The following ZFP14 variants were observed in gnomAD, a reference collection of about 807,000 sequenced individuals.
ZFP14 encodes ZFP14 zinc finger protein.
A neutral mutation model predicts 54.5 loss-of-function variants in ZFP14; 22 were observed. The ratio of observed to expected loss-of-function variants is 0.40; its 90% confidence interval spans 0.29 to 0.58. The LOEUF is 0.58. Among genes scored for constraint, ZFP14 ranks in the 20% least tolerant of loss-of-function variants. ZFP14 has a pLI of 0.39. For synonymous variants in ZFP14, 159 were observed against 204.0 expected (o/e 0.78, Z 1.88); for missense variants, 470 against 637.8 (o/e 0.74, Z 2.83).
chr19:36,342,981 C>T (rs1366531268), intron 4 of ZFP14, among the ~76,000 whole-genome samples: 1 of 152,190 alleles, frequency 6.6e-6, no homozygotes, highest in African/African-American at 2.4e-5. Context: ...ACAGATTGCA[C>T]TCTCATCATT....
chr19:36,341,155 C>T lies in ZFP14; in HGVS notation c.671G>A (p.Gly224Asp). 1 of 1,614,166 alleles carries T rather than the reference C, an allele frequency of 6.2e-7. No individual in the cohort carries two copies. The highest frequency in any genetic ancestry group is 8.5e-7 in the Non-Finnish European group (1 of 1,180,024). ...CTCCTTACATTCATAGGGTTTCTCA[C>T]CGGTGTGAAGTTTGTGATGTCGAAT... ...HLIRHHKLHT[G>D]EKPYECKECG... is the part of the protein sequence containing the mutation. Residue 224 changes from glycine to aspartate, a missense_variant, in exon 5 of 5, where the codon GGT (glycine) becomes GAT (aspartate). Transcript: ENST00000270001. This position sits in a 1 kb window ranked among gnomAD's most constrained non-coding sequence, Gnocchi z 4.2.
chr19:36,341,179 A>C lies in ZFP14; in HGVS notation c.647T>G (p.Ile216Ser). The C allele has an allele frequency of 1.2e-6, 2 of 1,614,060 alleles. No homozygotes were observed. The highest frequency in any genetic ancestry group is 1.7e-6 in the Non-Finnish European group (2 of 1,180,004). ...ACCGGTGTGAAGTTTGTGATGTCGA[A>C]TAAGATGTGCACGCTGTCTAAAGGC... ...GQAFRQRAHL[I>S]RHHKLHTGEK... The change falls in exon 5 of 5, where the codon ATT (isoleucine) becomes AGT (serine). Residue 216 changes from isoleucine (I) to serine (S), a missense_variant. Coordinates refer to ENST00000270001, the MANE Select transcript of ZFP14 (RefSeq NM_020917.3). The surrounding 1 kb of genome is among the most constrained non-coding windows in gnomAD (Gnocchi z 4.2).
In ZFP14 at chr19:36,379,164, T is replaced by C. The variant is rs1228679114; in HGVS notation, c.-81A>G. 3.9e-5 allele frequency: 6 copies of C among 152,322 alleles called. No homozygotes were observed. The highest frequency in any genetic ancestry group is 8.8e-5 in the Non-Finnish European group (6 of 68,418). The allele number at this position is 152,322 out of a possible 1,614,324, so 9.4% of individuals were successfully genotyped here. A position where few individuals can be genotyped will look rare whatever the true frequency, so the allele number is the denominator to read the frequency against. On this transcript the variant is annotated splice_region_variant and 5_prime_UTR_variant, in exon 1 of 5. Coordinates refer to ENST00000270001, the MANE Select transcript of ZFP14 (RefSeq NM_020917.3). ...CCTCGGTGCAAGCGACCAACTCACC[T>C]CTCGGAGCCGACACCAGCAGCGAAG...
chr19:36,340,841 C>T lies in ZFP14; in HGVS notation c.985G>A (p.Val329Ile). 6.2e-7 allele frequency: 1 copy of T among 1,612,910 alleles called. No individual in the cohort carries two copies. Among genetic ancestry groups the T allele is most frequent in the Non-Finnish European group, 8.5e-7 (1 of 1,179,750 alleles). The change falls in exon 5 of 5, where the codon GTA (valine) becomes ATA (isoleucine). Residue 329 changes from valine (V) to isoleucine (I), a missense_variant. Coordinates refer to ENST00000270001, the MANE Select transcript of ZFP14 (RefSeq NM_020917.3). This position sits in a 1 kb window ranked among gnomAD's most constrained non-coding sequence, Gnocchi z 5.4. ...KAFVCGPDLRVHQKIHFGEKP... is the reference protein window; with the variant it reads ...KAFVCGPDLRIHQKIHFGEKP... Reference sequence around the variant, plus strand: ...TCACCAAAATGAATTTTCTGATGTACTCTAAGGTCTGGACCACATACGAAG... The same window carrying T: ...TCACCAAAATGAATTTTCTGATGTATTCTAAGGTCTGGACCACATACGAAG...
In ZFP14 at chr19:36,340,584, G is replaced by A; in HGVS notation, c.1242C>T (p.His414=). The change falls in exon 5 of 5, where the codon CAC becomes CAT. Residue 414 remains histidine (H), a synonymous_variant. Coordinates refer to ENST00000270001, the MANE Select transcript of ZFP14 (RefSeq NM_020917.3). This position sits in a 1 kb window ranked among gnomAD's most constrained non-coding sequence, Gnocchi z 5.4. ...TFSSYSQLIS[H]QSIHIGERPY... Reference sequence around the variant, plus strand: ...GTCTCTCACCAATATGAATGCTCTGGTGTGAAATAAGCTGTGAGTAACTAC... The same window carrying A: ...GTCTCTCACCAATATGAATGCTCTGATGTGAAATAAGCTGTGAGTAACTAC... 1 of 1,613,632 alleles carries A rather than the reference G, an allele frequency of 6.2e-7. No homozygotes were observed. Among genetic ancestry groups the A allele is most frequent in the Non-Finnish European group, 8.5e-7 (1 of 1,179,892 alleles).
At chr19:36,359,176 T>TAC (rs1555755504) in intron 4 of ZFP14, among the ~76,000 whole-genome samples, 1 of 152,182 alleles carries the variant, frequency 6.6e-6, no homozygotes, top group Non-Finnish European at 1.5e-5. Context: ...ACAATGATCA[T>TAC]ACGGTCTTTC....
chr19:36,373,121 T>C (rs988428359), intron 1 of ZFP14, among the ~76,000 whole-genome samples: 7 of 151,636 alleles, frequency 4.6e-5, no homozygotes, highest in Non-Finnish European at 8.8e-5. Flanking sequence ...CTACTAAAAA[T>C]ACAAAATTAG....
rs774437190 is a variant in ZFP14 at position 36,340,727 on chromosome 19, G to T, written c.1099C>A (p.Pro367Thr). The part of the protein sequence containing the change: ...VHQSIHTGEK[P>T]YECKECGKTF... The stretch of plus-strand genomic sequence containing the variant: ...TTCCCACATTCCTTACATTCGTAGG[G>T]TTTCTCACCAGTATGAATACTCTGA... Residue 367 changes from proline to threonine, a missense_variant, in exon 5 of 5, where the codon CCC becomes ACC. Physicochemically the swap from Pro to Thr is conservative, Grantham distance 38 (BLOSUM62 -1). Coordinates refer to ENST00000270001, the MANE Select transcript of ZFP14 (RefSeq NM_020917.3). The surrounding 1 kb of genome is among the most constrained non-coding windows in gnomAD (Gnocchi z 5.4). 6.2e-7 allele frequency: 1 copy of T among 1,613,914 alleles called. No homozygotes were observed. Among genetic ancestry groups the T allele is most frequent in the Non-Finnish European group, 8.5e-7 (1 of 1,180,028 alleles).
intron 4 of ZFP14, among the ~76,000 whole-genome samples, chr19:36,345,315 C>G (rs967690982): frequency 6.6e-6 from 1 of 152,148 alleles, no homozygotes; most frequent in East Asian, 1.9e-4. Context: ...GTGGTCCTAT[C>G]CATTCCCATG....
chr19:36,363,378 G>A (rs1443541874), intron 2 of ZFP14, among the ~76,000 whole-genome samples: 1 of 151,346 alleles, frequency 6.6e-6, no homozygotes, highest in Non-Finnish European at 1.5e-5. Flanking sequence ...TGTATTTTTA[G>A]TAGAGACGGG....
At chr19:36,356,408 A>G (rs926413153) in intron 4 of ZFP14, among the ~76,000 whole-genome samples, 1 of 151,884 alleles carries the variant, frequency 6.6e-6, no homozygotes, top group Admixed American at 6.6e-5. Flanking sequence ...AGCGTGGGTG[A>G]CAGAGCGAGA....
chr19:36,346,329 A>C (rs879495836), intron 4 of ZFP14, among the ~76,000 whole-genome samples: 8 of 152,160 alleles, frequency 5.3e-5, no homozygotes, highest in Non-Finnish European at 8.8e-5. Context: ...AAAACAAAAC[A>C]AAAAAACAAA....
At chr19:36,364,064 A>C (rs974836344) in intron 2 of ZFP14, among the ~76,000 whole-genome samples, 2 of 152,088 alleles carry the variant, frequency 1.3e-5, no homozygotes, top group African/African-American at 4.8e-5. Context: ...AAAAATACAC[A>C]ATGGACCTCG....
chr19:36,367,003 A>G (rs898333255), intron 2 of ZFP14, among the ~76,000 whole-genome samples: 16 of 151,986 alleles, frequency 1.1e-4, no homozygotes, highest in African/African-American at 3.9e-4. Context: ...AAAATGCAAA[A>G]ATTAGCCAGG....
intron 1 of ZFP14, among the ~76,000 whole-genome samples, chr19:36,373,134 G>A (rs1267091331): frequency 4.6e-5 from 7 of 151,876 alleles, no homozygotes; most frequent in Non-Finnish European, 8.8e-5. Context: ...AAAATTAGCC[G>A]GGCATGGTAG....
chr19:36,342,175 C>CTTTT (rs35293783), intron 4 of ZFP14, among the ~76,000 whole-genome samples: 12 of 74,618 alleles, frequency 1.6e-4, no homozygotes, highest in African/African-American at 2.7e-4. Flanking sequence ...CATTCTATGC[C>CTTTT]TTTTTTTTTT....
intron 4 of ZFP14, among the ~76,000 whole-genome samples, chr19:36,346,031 GCCTGTAAACCCAGC>G (rs1444156717): frequency 3.3e-5 from 5 of 152,144 alleles, no homozygotes. Context: ...GATGACTCAT[GCCTGTAAACCCAGC>G]ACTTTGGGAG....
intron 4 of ZFP14, among the ~76,000 whole-genome samples, chr19:36,359,295 A>G (rs928599909): frequency 3.9e-5 from 6 of 152,130 alleles, no homozygotes; most frequent in Non-Finnish European, 8.8e-5. Flanking sequence ...TTTTGTATCT[A>G]TGTATGGAAA....
At chr19:36,344,364 A>C (rs1322544985) in intron 4 of ZFP14, among the ~76,000 whole-genome samples, 1 of 152,042 alleles carries the variant, frequency 6.6e-6, no homozygotes, top group South Asian at 2.1e-4. Context: ...ATGTTTATTA[A>C]TTTTCTCATA....
Sources: gnomAD v4.1 joint callset for allele counts (sites outside exome capture counted in the v4.1 genomes callset) on GRCh38, gnomAD v4.1.1 for gene constraint, Gnocchi (gnomAD v3.1) non-coding constraint, MANE v1.5 for transcripts, NCBI Gene and HGNC (gene_info 2026-07-23, HGNC 2026-07-21) for gene names.